The following DCAF6 variants were observed in gnomAD, a reference collection of about 807,000 sequenced individuals.
DCAF6 encodes the protein DDB1- and CUL4-associated factor 6.
A neutral mutation model predicts 125.1 loss-of-function variants in DCAF6; 54 were observed. The observed-to-expected ratio is 0.43, with a 90% confidence interval of 0.35 to 0.54. DCAF6 has a LOEUF of 0.54. Among genes scored for constraint, DCAF6 ranks in the 20% least tolerant of loss-of-function variants. DCAF6 has a pLI of 0.01. For synonymous variants in DCAF6, 371 were observed against 390.4 expected, an observed-to-expected ratio of 0.95 and a Z score of 0.58; for missense variants, 934 against 1,161.7, an observed-to-expected ratio of 0.80 and a Z score of 2.85.
the DCAF6 span, among the ~76,000 whole-genome samples, chr1:167,873,372 G>A: frequency 1.3e-5 from 2 of 152,154 alleles, no homozygotes; most frequent in Admixed American, 6.5e-5. Context: ...TTCTGGAACT[G>A]TTGCCCTCCT....
intron 13 of DCAF6, among the ~76,000 whole-genome samples, chr1:168,040,887 T>TAA (rs59960933): frequency 1.7e-4 from 20 of 115,152 alleles, no homozygotes; most frequent in Non-Finnish European, 2.7e-4. Context: ...ACATTCATTG[T>TAA]AAAAAAAAAA....
chr1:167,884,609 C>A, the DCAF6 span, among the ~76,000 whole-genome samples: 4 of 152,012 alleles, frequency 2.6e-5, no homozygotes, highest in African/African-American at 9.7e-5. Flanking sequence ...TTGACCACCC[C>A]CAATTCCTCC....
chr1:168,037,105 T>C (rs59489094), intron 12 of DCAF6, among the ~76,000 whole-genome samples: 3,355 of 111,548 alleles, frequency 0.03, 68 homozygotes, highest in African/African-American at 0.098. Context: ...CTCCCCCCCC[T>C]TTTTTTTTTT....
At chr1:167,886,526 C>A in the DCAF6 span, among the ~76,000 whole-genome samples, 5 of 151,972 alleles carry the variant, frequency 3.3e-5, no homozygotes, top group East Asian at 3.9e-4. Context: ...TCCCTTCCTT[C>A]CACCTTATAC....
intron 11 of DCAF6, 35 bp downstream of exon 11, chr1:168,015,986 G>C (rs1355042965): frequency 1.1e-5 from 16 of 1,407,598 alleles, no homozygotes; most frequent in Non-Finnish European, 1.1e-5. Flanking sequence ...GCAGCTGATA[G>C]AATTGTTTTT....
At chr1:168,012,161 C>T (rs1167370768) in intron 10 of DCAF6, among the ~76,000 whole-genome samples, 1 of 152,122 alleles carries the variant, frequency 6.6e-6, no homozygotes, top group Admixed American at 6.5e-5. Flanking sequence ...AGATTTATAG[C>T]AGGCAGATAA....
intron 4 of DCAF6, among the ~76,000 whole-genome samples, chr1:167,979,324 A>G (rs1487929181): frequency 6.6e-6 from 1 of 152,172 alleles, no homozygotes; most frequent in Non-Finnish European, 1.5e-5. Flanking sequence ...TAATTAGCAT[A>G]GAATTTTTTT....
intron 12 of DCAF6, among the ~76,000 whole-genome samples, chr1:168,034,200 T>C (rs1355800450): frequency 1.3e-5 from 2 of 152,228 alleles, no homozygotes; most frequent in African/African-American, 4.8e-5. Flanking sequence ...TAAGATTGTA[T>C]ATTAAGTAGG....
the DCAF6 span, among the ~76,000 whole-genome samples, chr1:167,909,122 C>G: frequency 6.6e-6 from 1 of 152,146 alleles, no homozygotes; most frequent in Middle Eastern, 3.2e-3. Flanking sequence ...ACATAGATCA[C>G]CTTTGCCAGT....
intron 5 of DCAF6, among the ~76,000 whole-genome samples, chr1:167,988,040 A>G (rs867306315): frequency 6.6e-6 from 1 of 152,114 alleles, no homozygotes. Context: ...ATTACATGTT[A>G]TCTTTTTTAA....
intron 6 of DCAF6, among the ~76,000 whole-genome samples, chr1:167,992,140 A>G (rs773639274): frequency 2.0e-5 from 3 of 151,470 alleles, no homozygotes; most frequent in African/African-American, 7.3e-5. Context: ...ATTTGAATCT[A>G]ATATAAACTA....
At chr1:167,880,648 G>T in the DCAF6 span, 1 of 1,490,956 alleles carries the variant, frequency 6.7e-7, no homozygotes, top group Non-Finnish European at 9.4e-7. Flanking sequence ...CTGATGGACA[G>T]TGTGCTTTAA....
chr1:167,992,980 A>G (rs1681083477), intron 6 of DCAF6, among the ~76,000 whole-genome samples: 1 of 152,214 alleles, frequency 6.6e-6, no homozygotes, highest in African/African-American at 2.4e-5. Flanking sequence ...TCAACAAAGC[A>G]TACGTAATCT....
In DCAF6 at chr1:168,015,591, G is replaced by A. The variant is rs78278411; in HGVS notation, c.1379-190G>A. 5.0e-3 allele frequency among the ~76,000 whole-genome samples: 756 copies of A among 152,168 alleles called. 5 individuals are homozygous for A. The highest frequency in any genetic ancestry group is 0.017 in the African/African-American group (708 of 41,524). On this transcript the variant is annotated intron_variant, in intron 10 of 21. Transcript: ENST00000367840. The stretch of plus-strand genomic sequence containing the variant: ...TCTAATTCATCGTAGTTAAATAGAA[G>A]CATTTGGTTGTATATGTATTGTCTC...
chr1:168,056,652 CTT>C (rs1690896095), intron 17 of DCAF6, among the ~76,000 whole-genome samples: 1 of 152,234 alleles, frequency 6.6e-6, no homozygotes, highest in South Asian at 2.1e-4. Flanking sequence ...GTGTATACCT[CTT>C]TGTGAGATTC....
At chr1:168,039,530 T>C (rs1688231526) in intron 13 of DCAF6, among the ~76,000 whole-genome samples, 1 of 149,956 alleles carries the variant, frequency 6.7e-6, no homozygotes, top group African/African-American at 2.4e-5. Context: ...GCATACAAAA[T>C]TTTTAAACTT....
At chr1:167,958,345 G>A (rs1425666975) in intron 2 of DCAF6, among the ~76,000 whole-genome samples, 1 of 126,700 alleles carries the variant, frequency 7.9e-6, no homozygotes, top group African/African-American at 2.9e-5. Context: ...GTTTTTTTTT[G>A]TTTTTTTTTT....
intron 17 of DCAF6, among the ~76,000 whole-genome samples, chr1:168,060,281 G>C (rs1691422830): frequency 6.6e-6 from 1 of 152,238 alleles, no homozygotes; most frequent in South Asian, 2.1e-4. Context: ...CTGGGCTCAA[G>C]CCATCCTCCC....
Position 167,945,775 on chromosome 1 carries a change from C to T in DCAF6, c.98-6025C>T, listed in dbSNP as rs11588522. On this transcript the variant is annotated intron_variant, in intron 1 of 21. Coordinates refer to ENST00000367840, the MANE Select transcript of DCAF6 (RefSeq NM_001198956.2). The stretch of plus-strand genomic sequence containing the variant: ...TTGGCCTCCCAAAGTGCTGGGATTA[C>T]AGGCGTGAGCCACCACACCCGGCCT... Among the ~76,000 whole-genome samples the T allele has an allele frequency of 6.5e-3, 980 of 151,308 alleles. 2 individuals are homozygous for T. Among genetic ancestry groups the T allele is most frequent in the African/African-American group, 0.016 (669 of 41,336 alleles).
Sources: gnomAD v4.1 joint callset for allele counts (sites outside exome capture counted in the v4.1 genomes callset) on GRCh38, gnomAD v4.1.1 for gene constraint, MANE v1.5 for transcripts, NCBI Gene and HGNC (gene_info 2026-07-23, HGNC 2026-07-21) for gene names.